Variants in PIWIL3 observed in about 807,000 individuals in gnomAD.
PIWIL3 encodes piwi like RNA-mediated gene silencing 3, also known as piwi-like protein 3.
Under a neutral mutation model 109.7 loss-of-function variants are expected in PIWIL3, and 101 were observed. The ratio of observed to expected loss-of-function variants is 0.92; its 90% CI spans 0.78 to 1.09. The LOEUF is 1.09. PIWIL3 is among the 50% of genes least tolerant of loss of function. PIWIL3 has a pLI of 0.00. For synonymous variants in PIWIL3, 373 were observed against 376.4 expected, an observed-to-expected ratio of 0.99 and a Z score of 0.10; for missense variants, 1,031 against 1,072.6, an observed-to-expected ratio of 0.96 and a Z score of 0.54.
rs1396711237 is a variant in PIWIL3, at chr22:24,728,385, A to G, written c.1708-11T>C. On this transcript the variant is annotated splice_polypyrimidine_tract_variant and intron_variant, in intron 14 of 20. Coordinates refer to ENST00000616349, the MANE Select transcript of PIWIL3 (RefSeq NM_001255975.1). ...CAGGATACAAATCACCTTGAAAACC[A>G]GCAAACATGACATTCCCTAAGATAC... 6.2e-7 allele frequency: 1 copy of G among 1,614,186 alleles called. No individual in the cohort carries two copies.
At chr22:24,721,757 A>C (rs955165871) in intron 19 of PIWIL3, among the ~76,000 whole-genome samples, 3 of 151,946 alleles carry the variant, frequency 2.0e-5, no homozygotes, top group African/African-American at 7.3e-5. Flanking sequence ...ATTCCTTTTT[A>C]TATCTTTTCT....
Position 24,734,297 on chromosome 22 carries a change from AG to A in PIWIL3, c.1635-142del, listed in dbSNP as rs572111835. On this transcript the variant is annotated intron_variant, in intron 13 of 20. Coordinates refer to ENST00000616349, the MANE Select transcript of PIWIL3 (RefSeq NM_001255975.1). The stretch of plus-strand genomic sequence containing the variant: ...GTAGAAAGTATGTTTAAAAGAAAAA[AG>A]ACAGTAGACTTTCAGTTTCCGATTC... 2.1e-3 allele frequency: 2,771 copies of A among 1,329,060 alleles called. 5 individuals are homozygous for A. Among genetic ancestry groups the A allele is most frequent in the Non-Finnish European group, 2.5e-3 (2,493 of 1,009,360 alleles). The allele number at this position is 1,329,060 out of a possible 1,614,324, so 82.3% of individuals were successfully genotyped here.
At chr22:24,749,557 A>C (rs1425817275) in intron 10 of PIWIL3, 36 bp from the exon 11 acceptor site, 1 of 1,612,290 alleles carries the variant, frequency 6.2e-7, no homozygotes, top group South Asian at 1.1e-5. Flanking sequence ...CTGAACAAGC[A>C]TGAATTTGAG....
chr22:24,757,711 G>C (rs958147252), intron 4 of PIWIL3, among the ~76,000 whole-genome samples, 197 bp downstream of exon 4: 3 of 70,268 alleles, frequency 4.3e-5, no homozygotes, highest in Non-Finnish European at 6.3e-5. Context: ...TTCGGGCATG[G>C]TGGTGCCCAC....
intron 6 of PIWIL3, 93 bp from the exon 7 acceptor site, chr22:24,754,957 CTGTTTA>C: frequency 1.0e-6 from 1 of 975,492 alleles, no homozygotes; most frequent in Non-Finnish European, 1.6e-6. Context: ...CTGTCAATGA[CTGTTTA>C]TATTATCAAT....
Position 24,754,011 on chromosome 22 carries a change from T to G in PIWIL3, c.977+3A>C. 3.8e-6 allele frequency: 6 copies of G among 1,594,018 alleles called. No individual in the cohort carries two copies. The highest frequency in any genetic ancestry group is 4.3e-6 in the Non-Finnish European group (5 of 1,161,844). On this transcript the variant is annotated splice_donor_region_variant and intron_variant, in intron 8 of 20. Coordinates refer to ENST00000616349, the MANE Select transcript of PIWIL3 (RefSeq NM_001255975.1). ...TGGATAGGTTTTTAAAAGACAGACTTACTTTGTCAGAACAATTGATCCAAT... is the reference window on the plus strand; with the variant it reads ...TGGATAGGTTTTTAAAAGACAGACTGACTTTGTCAGAACAATTGATCCAAT...
At chr22:24,738,609 A>G (rs1249528287) in intron 12 of PIWIL3, among the ~76,000 whole-genome samples, 3 of 152,236 alleles carry the variant, frequency 2.0e-5, no homozygotes, top group Admixed American at 6.5e-5. Context: ...CTTCTGGATC[A>G]TATCAAGATC....
At chr22:24,772,434 G>C (rs2147738880) in intron 1 of PIWIL3, among the ~76,000 whole-genome samples, 1 of 152,276 alleles carries the variant, frequency 6.6e-6, no homozygotes, top group East Asian at 1.9e-4. Context: ...GTGTGACCCT[G>C]AGCAGGTGAT....
intron 19 of PIWIL3, 141 bp downstream of exon 19, chr22:24,722,988 CA>C: frequency 1.1e-6 from 1 of 917,362 alleles, no homozygotes; most frequent in Non-Finnish European, 1.6e-6. Context: ...AATCTCTGCC[CA>C]ATAGTAAAAA....
In PIWIL3 at chr22:24,755,836, G is replaced by A; in HGVS notation, c.640C>T (p.Leu214Phe). 1 of 1,613,712 alleles carries A rather than the reference G, an allele frequency of 6.2e-7. No individual in the cohort carries two copies. Among genetic ancestry groups the A allele is most frequent in the Non-Finnish European group, 8.5e-7 (1 of 1,179,874 alleles). The change falls in exon 6 of 21, where the codon CTC becomes TTC. Residue 214 changes from leucine (L) to phenylalanine (F), a missense_variant. By Grantham distance (22) the Leu-to-Phe change is conservative. Transcript: ENST00000616349. Reference sequence around the variant, plus strand: ...AGGCAATCTGGCGACGTGGGCGTGAGTTCTTTGGAAAACTCAACTGTAATC... The same window carrying A: ...AGGCAATCTGGCGACGTGGGCGTGAATTCTTTGGAAAACTCAACTGTAATC... ...VKITVEFSKE[L>F]TPTSPDCLRY...
intron 14 of PIWIL3, among the ~76,000 whole-genome samples, chr22:24,733,040 T>C (rs1292899690): frequency 1.3e-5 from 2 of 152,090 alleles, no homozygotes; most frequent in Admixed American, 1.3e-4. Flanking sequence ...AAGCAACACA[T>C]AAAACTTAAG....
chr22:24,740,685 G>A (rs977507692), intron 12 of PIWIL3, among the ~76,000 whole-genome samples: 8 of 151,882 alleles, frequency 5.3e-5, no homozygotes, highest in Non-Finnish European at 7.4e-5. Flanking sequence ...TCCTGGAACC[G>A]GAAATATACA....
chr22:24,769,002 C>CT lies in PIWIL3; in HGVS notation c.-23+5319dup, dbSNP rs1178309955. The stretch of plus-strand genomic sequence containing the variant: ...TGGGACAAAGAGCCGCAAGGTGGTG[C>CT]TATTGTCTTAGGTTAATAAAAACGA... On this transcript the variant is annotated intron_variant, in intron 1 of 20. Coordinates refer to ENST00000616349, the MANE Select transcript of PIWIL3 (RefSeq NM_001255975.1). 2.6e-5 allele frequency among the ~76,000 whole-genome samples: 4 copies of CT among 152,290 alleles called. No individual in the cohort carries two copies. The South Asian group carries it at 8.3e-4, about 32-fold the overall frequency.
chr22:24,770,768 G>T (rs1926092569), intron 1 of PIWIL3, among the ~76,000 whole-genome samples: 1 of 151,828 alleles, frequency 6.6e-6, no homozygotes, highest in South Asian at 2.1e-4. Flanking sequence ...CCAAGGGGTG[G>T]AGGTTGCAGT....
At position 24,749,581 on chromosome 22, in the gene PIWIL3, A is replaced by T. The variant is rs562508325; in HGVS notation, c.1217-60T>A. 1.3e-5 allele frequency: 21 copies of T among 1,610,786 alleles called. No individual in the cohort carries two copies. The Admixed American group carries it at 3.0e-4, about 23-fold the overall frequency. ...CATGAATTTGAGTGAGGACTAAATT[A>T]TAACAGCTGGAGGAACCTACTACCA... On this transcript the variant is annotated intron_variant, in intron 10 of 20. Coordinates refer to ENST00000616349, the MANE Select transcript of PIWIL3 (RefSeq NM_001255975.1).
At chr22:24,747,050 G>A (rs1924416795) in intron 12 of PIWIL3, among the ~76,000 whole-genome samples, 1 of 151,930 alleles carries the variant, frequency 6.6e-6, no homozygotes, top group African/African-American at 2.4e-5. Flanking sequence ...AACAAAACTG[G>A]AAGAATCATA....
intron 2 of PIWIL3, among the ~76,000 whole-genome samples, chr22:24,761,366 C>T (rs779937486): frequency 2.0e-4 from 30 of 152,044 alleles, no homozygotes; most frequent in Non-Finnish European, 2.8e-4. Flanking sequence ...ACCTAAACGC[C>T]AAGCGGAGGG....
In PIWIL3 at chr22:24,723,414, G is replaced by A. The variant is rs116728522; in HGVS notation, c.2232-159C>T. Among the ~76,000 whole-genome samples, 833 of 152,254 alleles carry A rather than the reference G, an allele frequency of 5.5e-3. 6 individuals are homozygous for A. The highest frequency in any genetic ancestry group is 0.018 in the African/African-American group (761 of 41,548). The stretch of plus-strand genomic sequence containing the variant: ...TTACTGTCTAAGCTCCATGTGCCCG[G>A]TTGAAGCAGTAAATGGGGAGGTATT... On this transcript the variant is annotated intron_variant, in intron 18 of 20. Transcript: ENST00000616349.
intron 12 of PIWIL3, among the ~76,000 whole-genome samples, chr22:24,737,752 A>G (rs1180721819): frequency 1.3e-5 from 2 of 152,036 alleles, no homozygotes; most frequent in Non-Finnish European, 2.9e-5. Context: ...GGCAGCATTC[A>G]CCGCAAGCTG....
Sources: allele counts gnomAD v4.1 joint callset (sites outside exome capture counted in the v4.1 genomes callset), GRCh38; gene constraint gnomAD v4.1.1; transcripts MANE v1.5; gene names NCBI Gene and HGNC (gene_info 2026-07-23, HGNC 2026-07-21).